Variants in OXR1 observed in about 807,000 individuals in gnomAD.
OXR1 encodes oxidation resistance 1.
Under a neutral mutation model 104.6 loss-of-function variants are expected in OXR1, and 41 were observed. The observed-to-expected ratio is 0.39, with a 90% CI of 0.31 to 0.51. The LOEUF (loss-of-function observed/expected upper bound fraction) is 0.51, where lower values mean the gene tolerates loss of function less well. OXR1 is among the 20% of genes least tolerant of loss of function. The pLI is 0.77. For missense variants in OXR1, 955 were observed against 1,031.9 expected (o/e 0.93, Z 1.02); for synonymous variants, 348 against 348.4 (o/e 1.00, Z 0.01).
chr8:106,468,460 G>T (rs1464892316), intron 2 of OXR1, among the ~76,000 whole-genome samples: 1 of 151,822 alleles, frequency 6.6e-6, no homozygotes. Context: ...AGTATTCTGG[G>T]CCAAAGGAAT....
chr8:106,659,689 A>G (rs988064053), intron 3 of OXR1, among the ~76,000 whole-genome samples: 1 of 152,232 alleles, frequency 6.6e-6, no homozygotes, highest in Non-Finnish European at 1.5e-5. Flanking sequence ...TTTAATAAAT[A>G]TGGCCAAACA....
chr8:106,363,905 G>A (rs1816354918), intron 2 of OXR1, among the ~76,000 whole-genome samples: 1 of 151,906 alleles, frequency 6.6e-6, no homozygotes, highest in African/African-American at 2.4e-5. Flanking sequence ...AAGAAATAAC[G>A]TTTCTGCGAA....
chr8:106,718,483 G>T (rs11988518), intron 11 of OXR1, among the ~76,000 whole-genome samples: 6 of 151,964 alleles, frequency 3.9e-5, no homozygotes, highest in African/African-American at 1.5e-4. Flanking sequence ...TACTGCTCAC[G>T]ATGTGTAAAG....
In OXR1 at chr8:106,350,960, T is replaced by G. The variant is rs17251726; in HGVS notation, c.-138-8516T>G. On this transcript the variant is annotated intron_variant, in intron 1 of 16. Coordinates refer to ENST00000517566, the MANE Select transcript of OXR1 (RefSeq NM_001198533.2). ...AAACAGATTTGAAAAATTGGATGACTTCTACTCTAGAGTTTTCATAGTTAT... is the reference window on the plus strand; with the variant it reads ...AAACAGATTTGAAAAATTGGATGACGTCTACTCTAGAGTTTTCATAGTTAT... Among the ~76,000 whole-genome samples, 83 of 152,258 alleles carry G rather than the reference T, an allele frequency of 5.5e-4. 1 individual carries two copies. The South Asian group carries it at 0.016, about 30-fold the overall frequency.
chr8:106,737,856 C>T lies in OXR1; in HGVS notation c.2037+256C>T, dbSNP rs577032446. Reference sequence around the variant, plus strand: ...TCTCAGTATTGTGTGTTTCTTTCAGCGATGAGGAGTTTTCATTCATTTAAC... The same window carrying T: ...TCTCAGTATTGTGTGTTTCTTTCAGTGATGAGGAGTTTTCATTCATTTAAC... On this transcript the variant is annotated intron_variant, in intron 12 of 16. Transcript: ENST00000517566. Among the ~76,000 whole-genome samples, 44 of 152,070 alleles carry T rather than the reference C, an allele frequency of 2.9e-4. No homozygotes were observed. In the South Asian group the frequency reaches 8.1e-3, roughly 28 times the overall value.
chr8:106,607,547 T>C (rs1820493476), intron 3 of OXR1, among the ~76,000 whole-genome samples: 1 of 152,242 alleles, frequency 6.6e-6, no homozygotes, highest in African/African-American at 2.4e-5. Context: ...CTTCCTTCAC[T>C]GATTTGTGTC....
chr8:106,732,461 T>C (rs1833973752), intron 11 of OXR1, among the ~76,000 whole-genome samples: 1 of 152,158 alleles, frequency 6.6e-6, no homozygotes, highest in South Asian at 2.1e-4. Flanking sequence ...CTTTCCTTGC[T>C]CCCAGTCTTA....
chr8:106,472,757 C>T (rs1044887457), intron 2 of OXR1, among the ~76,000 whole-genome samples: 1 of 151,788 alleles, frequency 6.6e-6, no homozygotes, highest in African/African-American at 2.4e-5. Context: ...ATGTAAATAT[C>T]AGTGTCCAGT....
intron 2 of OXR1, among the ~76,000 whole-genome samples, chr8:106,447,581 C>A (rs1360075626): frequency 6.6e-6 from 1 of 152,158 alleles, no homozygotes; most frequent in Non-Finnish European, 1.5e-5. Flanking sequence ...TAATGCCTAG[C>A]ACATTGTAAG....
At chr8:106,504,569 C>T (rs191605702) in intron 2 of OXR1, among the ~76,000 whole-genome samples, 14 of 152,214 alleles carry the variant, frequency 9.2e-5, no homozygotes, top group South Asian at 2.1e-4. Context: ...ATGTATAGCA[C>T]GAGCTCAAGA....
chr8:106,603,630 A>G (rs762681148), intron 3 of OXR1, among the ~76,000 whole-genome samples: 4 of 152,298 alleles, frequency 2.6e-5, no homozygotes, highest in Non-Finnish European at 4.4e-5. Flanking sequence ...TTGCTTTTCT[A>G]TATTGCCAAA....
intron 1 of OXR1, among the ~76,000 whole-genome samples, chr8:106,330,761 G>A (rs7834571): frequency 0.32 from 47,918 of 152,094 alleles, 10,069 homozygotes; most frequent in African/African-American, 0.6. Flanking sequence ...CCATCAAAGT[G>A]TGAAGAACTA....
chr8:106,697,618 A>G lies in OXR1; in HGVS notation c.675+4741A>G, dbSNP rs573774158. 2.5e-5 allele frequency: 40 copies of G among 1,613,518 alleles called. No individual in the cohort carries two copies. In the East Asian group the frequency reaches 6.9e-4, roughly 28 times the overall value. The stretch of plus-strand genomic sequence containing the variant: ...ATCCCAGGCTACTGCCAACCCACCC[A>G]GATTCCTCAGCGTCCGCTGCACACA... On this transcript the variant is annotated intron_variant, in intron 7 of 16. Coordinates refer to ENST00000517566, the MANE Select transcript of OXR1 (RefSeq NM_001198533.2).
At chr8:106,386,269 C>G (rs1817367156) in intron 2 of OXR1, among the ~76,000 whole-genome samples, 1 of 152,170 alleles carries the variant, frequency 6.6e-6, no homozygotes, top group Non-Finnish European at 1.5e-5. Context: ...GGTCTCTGAC[C>G]TTTGGTGCCC....
chr8:106,413,958 A>G (rs1474217631), intron 2 of OXR1, among the ~76,000 whole-genome samples: 2 of 151,914 alleles, frequency 1.3e-5, no homozygotes, highest in Admixed American at 1.3e-4. Flanking sequence ...GAGCTCCAGA[A>G]CTCAAGTGAT....
chr8:106,738,399 A>T (rs1273739625), intron 12 of OXR1, among the ~76,000 whole-genome samples: 1 of 152,076 alleles, frequency 6.6e-6, no homozygotes, highest in Non-Finnish European at 1.5e-5. Context: ...CTTGTCAAAA[A>T]ACAATACACT....
At position 106,404,624 on chromosome 8, in the gene OXR1, C is replaced by A. The variant is rs1955056; in HGVS notation, c.23+44988C>A. Among the ~76,000 whole-genome samples, 16 of 151,782 alleles carry A rather than the reference C, an allele frequency of 1.1e-4. No individual in the cohort carries two copies. The East Asian group carries it at 3.1e-3, about 30-fold the overall frequency. ...TTTTTTTCACCACTTTGTCCAGAAACATTAGGAGTGAACAGCCAAACTTAC... is the reference window on the plus strand; with the variant it reads ...TTTTTTTCACCACTTTGTCCAGAAAAATTAGGAGTGAACAGCCAAACTTAC... On this transcript the variant is annotated intron_variant, in intron 2 of 16. Transcript: ENST00000517566.
intron 7 of OXR1, among the ~76,000 whole-genome samples, chr8:106,701,923 A>G (rs983847569): frequency 1.3e-5 from 2 of 152,206 alleles, no homozygotes; most frequent in South Asian, 2.1e-4. Flanking sequence ...CTCATTTATA[A>G]AGTAAGAAGG....
chr8:106,647,227 T>G (rs550715895), intron 3 of OXR1, among the ~76,000 whole-genome samples: 2 of 152,310 alleles, frequency 1.3e-5, no homozygotes, highest in African/African-American at 4.8e-5. Flanking sequence ...TACTTGGTTT[T>G]TAGTAGGGTT....
Sources: allele counts gnomAD v4.1 joint callset (sites outside exome capture counted in the v4.1 genomes callset), GRCh38; gene constraint gnomAD v4.1.1; transcripts MANE v1.5; gene names NCBI Gene and HGNC (gene_info 2026-07-23, HGNC 2026-07-21).